The following EPM2A variants were observed in gnomAD, a reference collection of about 807,000 sequenced individuals.
EPM2A encodes the protein laforin.
EPM2A carries 21 observed loss-of-function variants against 26.5 expected under a neutral mutation model. The observed-to-expected ratio is 0.79, with a 90% CI of 0.56 to 1.14. The LOEUF (loss-of-function observed/expected upper bound fraction) is 1.14, where lower values mean the gene tolerates loss of function less well. EPM2A is among the 50% of genes most tolerant of loss of function. The pLI is 0.00. For missense variants in EPM2A, 458 were observed against 440.8 expected (o/e 1.04, Z -0.35); for synonymous variants, 217 against 177.6 (o/e 1.22, Z -1.76).
intron 2 of EPM2A, among the ~76,000 whole-genome samples, chr6:145,584,520 C>A (rs759193466): frequency 5.9e-5 from 9 of 152,144 alleles, no homozygotes; most frequent in Admixed American, 1.3e-4. Context: ...TCCACTGTAG[C>A]CATTCTTATG....
At chr6:145,685,791 TA>T (rs1780860709) in intron 2 of EPM2A, among the ~76,000 whole-genome samples, 1 of 152,218 alleles carries the variant, frequency 6.6e-6, no homozygotes, top group South Asian at 2.1e-4. Context: ...GTCAGTAGCA[TA>T]AAGGACACAA....
intron 4 of EPM2A, among the ~76,000 whole-genome samples, chr6:145,385,306 C>A (rs1778243836): frequency 8.2e-6 from 1 of 122,056 alleles, no homozygotes; most frequent in African/African-American, 3.1e-5. Context: ...ACTGAATAAA[C>A]TAAAGCCACA....
rs144617484 is a variant in EPM2A, at chr6:145,390,929, A to G, written c.556-6832T>C. On this transcript the variant is annotated intron_variant, in intron 4 of 4. Coordinates refer to the EPM2A transcript ENST00000638717. ...TCGTTCAACCTGGTCAAGTTGCCCA[A>G]TTGAACTTGGTCAAATTGTTTGTCT... is the stretch of plus-strand genomic sequence containing the variant. Among the ~76,000 whole-genome samples, 434 of 152,256 alleles carry G rather than the reference A, an allele frequency of 2.9e-3. 3 individuals are homozygous for G. The highest frequency in any genetic ancestry group is 7.4e-3 in the African/African-American group (309 of 41,562).
intron 4 of EPM2A, among the ~76,000 whole-genome samples, chr6:145,388,942 T>G (rs1215665893): frequency 6.6e-6 from 1 of 151,998 alleles, no homozygotes; most frequent in East Asian, 1.9e-4. Flanking sequence ...GTTCCAAGTC[T>G]TTGCTATTGT....
At chr6:145,665,694 A>G (rs1346496243) in intron 2 of EPM2A, among the ~76,000 whole-genome samples, 3 of 140,994 alleles carry the variant, frequency 2.1e-5, no homozygotes, top group Non-Finnish European at 3.1e-5. Flanking sequence ...TACCAAAGCC[A>G]GGCAGAGACA....
At chr6:145,584,801 G>C (rs1208648857) in intron 2 of EPM2A, among the ~76,000 whole-genome samples, 2 of 152,090 alleles carry the variant, frequency 1.3e-5, no homozygotes, top group East Asian at 3.9e-4. Flanking sequence ...CATCCTCCCT[G>C]CATCCATTCT....
intron 4 of EPM2A, among the ~76,000 whole-genome samples, chr6:145,486,657 T>C (rs1194680581): frequency 6.6e-6 from 1 of 152,122 alleles, no homozygotes; most frequent in Non-Finnish European, 1.5e-5. Context: ...TATCTTTATA[T>C]ATTTGACCCT....
intron 2 of EPM2A, among the ~76,000 whole-genome samples, chr6:145,507,320 G>T (rs938918730): frequency 1.3e-5 from 2 of 152,226 alleles, no homozygotes; most frequent in Admixed American, 1.3e-4. Flanking sequence ...AAGGAAAGGT[G>T]ACAATTTGCA....
chr6:145,483,013 C>T (rs1332869278), intron 4 of EPM2A, among the ~76,000 whole-genome samples: 3 of 152,084 alleles, frequency 2.0e-5, no homozygotes, highest in African/African-American at 7.2e-5. Context: ...ATCAATTATT[C>T]TCTCAGTTAA....
At chr6:145,387,562 C>A (rs1465029214) in intron 4 of EPM2A, among the ~76,000 whole-genome samples, 1 of 152,052 alleles carries the variant, frequency 6.6e-6, no homozygotes, top group Non-Finnish European at 1.5e-5. Flanking sequence ...TGTCTTGGTT[C>A]TTTGTCCTTG....
In EPM2A at chr6:145,667,544, G is replaced by C. The variant is rs1779300344; in HGVS notation, c.476+18578C>G. The stretch of plus-strand genomic sequence containing the variant: ...GTGCTGGAGAGGATGTGGAGAAATA[G>C]GAACACTTTACACTGTTGGTGGGAC... On this transcript the variant is annotated intron_variant, in intron 2 of 3. Coordinates refer to ENST00000367519, the MANE Select transcript of EPM2A (RefSeq NM_005670.4). Among the ~76,000 whole-genome samples, 6 of 151,430 alleles carry C rather than the reference G, an allele frequency of 4.0e-5. No individual in the cohort carries two copies. The South Asian group carries it at 1.2e-3, about 31-fold the overall frequency.
Position 145,715,000 on chromosome 6 carries a change from A to C in EPM2A, c.301+20198T>G, listed in dbSNP as rs148600482. ...TGGTGATGGGTTATATCAAGGAACA[A>C]ATGTTTGCAAAGTGAAAAAGGAGCA... On this transcript the variant is annotated intron_variant, in intron 1 of 3. Transcript: ENST00000367519. 7.9e-3 allele frequency among the ~76,000 whole-genome samples: 1,204 copies of C among 152,250 alleles called. 13 individuals are homozygous for C. Among genetic ancestry groups the C allele is most frequent in the African/African-American group, 0.027 (1,129 of 41,552 alleles).
At chr6:145,459,511 CTTAAT>C (rs541161070) in intron 4 of EPM2A, among the ~76,000 whole-genome samples, 5 of 152,166 alleles carry the variant, frequency 3.3e-5, no homozygotes, top group African/African-American at 1.2e-4. Flanking sequence ...ATCAAAATGT[CTTAAT>C]TTATGACTGT....
At chr6:145,610,501 A>G (rs1197142473) in intron 2 of EPM2A, among the ~76,000 whole-genome samples, 1 of 152,230 alleles carries the variant, frequency 6.6e-6, no homozygotes. Context: ...TCTCCATGCT[A>G]GTCATCCTAA....
intron 2 of EPM2A, among the ~76,000 whole-genome samples, chr6:145,660,726 C>T (rs1156270259): frequency 3.3e-5 from 5 of 152,148 alleles, no homozygotes; most frequent in African/African-American, 7.2e-5. Context: ...CGCTTGAACC[C>T]AGGAGGCGGA....
chr6:145,613,781 A>G (rs1775447560), intron 2 of EPM2A, among the ~76,000 whole-genome samples: 1 of 152,192 alleles, frequency 6.6e-6, no homozygotes, highest in African/African-American at 2.4e-5. Context: ...ACCATATTGT[A>G]AAGAGATGTA....
intron 3 of EPM2A, among the ~76,000 whole-genome samples, chr6:145,633,086 C>A (rs1287271009): frequency 1.3e-5 from 2 of 152,200 alleles, no homozygotes; most frequent in African/African-American, 4.8e-5. Context: ...AGTTTTCCCT[C>A]AGGCTTCTGC....
chr6:145,693,530 G>C (rs1781399835), intron 1 of EPM2A, among the ~76,000 whole-genome samples: 1 of 151,816 alleles, frequency 6.6e-6, no homozygotes, highest in South Asian at 2.1e-4. Context: ...TCAAAATGTG[G>C]GGAGGTAGGA....
In EPM2A at chr6:145,625,963, A is replaced by C; in HGVS notation, c.*1453T>G. On this transcript the variant is annotated 3_prime_UTR_variant, in exon 4 of 4. Transcript: ENST00000367519. ...CAAACCCAGCTTTGTATCTCACTTC[A>C]TCTATTTATTCATCATGTGACAATA... The C allele has an allele frequency of 8.2e-7, 1 of 1,224,770 alleles. No homozygotes were observed. The highest frequency in any genetic ancestry group is 1.1e-6 in the Non-Finnish European group (1 of 919,172). 75.9% of individuals were successfully genotyped at this position (1,224,770 alleles called of 1,614,324 possible).
Sources: gnomAD v4.1 joint callset for allele counts (sites outside exome capture counted in the v4.1 genomes callset) on GRCh38, gnomAD v4.1.1 for gene constraint, MANE v1.5 for transcripts, NCBI Gene and HGNC (gene_info 2026-07-23, HGNC 2026-07-21) for gene names.